The following CDH12 variants were observed in gnomAD, a reference collection of about 807,000 sequenced individuals.
CDH12 encodes cadherin-12.
In CDH12, 41 loss-of-function variants were observed where a neutral mutation model predicts 74.1. That is an observed-to-expected ratio of 0.55 (90% CI 0.43 to 0.72). The LOEUF is 0.72. Among genes scored for constraint, CDH12 ranks in the 30% least tolerant of loss-of-function variants. The pLI is 0.00. For missense variants in CDH12, 945 were observed against 977.2 expected, an observed-to-expected ratio of 0.97 and a Z score of 0.44; for synonymous variants, 399 against 355.0, an observed-to-expected ratio of 1.12 and a Z score of -1.39.
chr5:21,863,155 C>G (rs758358710), intron 6 of CDH12, among the ~76,000 whole-genome samples: 7 of 152,094 alleles, frequency 4.6e-5, no homozygotes, highest in Non-Finnish European at 7.4e-5. Flanking sequence ...TCAAATGTGC[C>G]TTGTAGATTA....
chr5:22,024,654 AG>A (rs1441915922), intron 5 of CDH12, among the ~76,000 whole-genome samples: 2 of 152,142 alleles, frequency 1.3e-5, no homozygotes, highest in Non-Finnish European at 2.9e-5. Flanking sequence ...CTGGGATTAC[AG>A]GCACATGCTA....
intron 1 of CDH12, among the ~76,000 whole-genome samples, chr5:22,813,143 A>T (rs1279496094): frequency 6.6e-6 from 1 of 152,208 alleles, no homozygotes; most frequent in Admixed American, 6.5e-5. Flanking sequence ...TTTGTATAAG[A>T]TTATAAATGA....
intron 1 of CDH12, among the ~76,000 whole-genome samples, chr5:22,631,490 T>C (rs1172299522): frequency 1.3e-5 from 2 of 152,052 alleles, no homozygotes; most frequent in African/African-American, 2.4e-5. Flanking sequence ...TGCAGCAACA[T>C]GGATGGAGCT....
At chr5:22,241,406 G>C (rs1752746505) in intron 3 of CDH12, among the ~76,000 whole-genome samples, 1 of 151,890 alleles carries the variant, frequency 6.6e-6, no homozygotes, top group African/African-American at 2.4e-5. Flanking sequence ...TAAAACTTGT[G>C]ACCAAAACAG....
At position 21,802,294 on chromosome 5, in the gene CDH12, C is replaced by T. The variant is rs1747160615; in HGVS notation, c.1129G>A (p.Asp377Asn). The T allele has an allele frequency of 6.2e-7, 1 of 1,613,710 alleles. No individual in the cohort carries two copies. Among genetic ancestry groups the T allele is most frequent in the South Asian group, 1.1e-5 (1 of 91,076 alleles). ...DTATVKISVL[D>N]VDEPPVFSKP... The stretch of plus-strand genomic sequence containing the variant: ...CTGAAAACCGGTGGCTCATCTACGT[C>T]CAGCACGCTGATCTTCACCGTAGCT... Residue 377 changes from aspartate (D) to asparagine (N), a missense_variant, in exon 10 of 15, where the codon GAC (aspartate) becomes AAC (asparagine). Transcript: ENST00000382254.
intron 6 of CDH12, chr5:21,889,518 T>C (rs1752799898): frequency 2.4e-6 from 2 of 846,108 alleles, no homozygotes; most frequent in Non-Finnish European, 2.8e-6. Context: ...ATATTACCAA[T>C]CCAATGTTCT....
intron 4 of CDH12, among the ~76,000 whole-genome samples, chr5:22,181,860 A>C (rs1408199220): frequency 6.6e-6 from 1 of 152,056 alleles, no homozygotes; most frequent in African/African-American, 2.4e-5. Flanking sequence ...AGTACTTAAA[A>C]TTTTTAATCA....
In CDH12 at chr5:22,820,681, C is replaced by T. The variant is rs184901694; in HGVS notation, c.-523+32377G>A. The stretch of plus-strand genomic sequence containing the variant: ...CACATACATCCTCCCAAGACTAAAC[C>T]AGGAGGAAGTTGAATCCCTGAATAG... On this transcript the variant is annotated intron_variant, in intron 1 of 14. Transcript: ENST00000382254. Among the ~76,000 whole-genome samples, 6 of 152,132 alleles carry T rather than the reference C, an allele frequency of 3.9e-5. No homozygotes were observed. In the East Asian group the frequency reaches 1.2e-3, roughly 29 times the overall value.
intron 2 of CDH12, among the ~76,000 whole-genome samples, chr5:22,491,680 C>G (rs1746878821): frequency 6.7e-6 from 1 of 150,128 alleles, no homozygotes; most frequent in Non-Finnish European, 1.5e-5. Context: ...AGAAAGTTTA[C>G]AAATTTGTGT....
intron 1 of CDH12, among the ~76,000 whole-genome samples, chr5:22,837,355 C>CCATG (rs1172665360): frequency 6.6e-6 from 1 of 151,970 alleles, no homozygotes; most frequent in African/African-American, 2.4e-5. Context: ...CTACAGTGAG[C>CCATG]CATGATCTTG....
intron 6 of CDH12, among the ~76,000 whole-genome samples, chr5:21,884,728 C>T (rs1480771022): frequency 6.6e-6 from 1 of 151,902 alleles, no homozygotes; most frequent in Non-Finnish European, 1.5e-5. Flanking sequence ...GAGAAATATC[C>T]AATTATGTGA....
At chr5:22,038,511 C>A (rs1561046287) in intron 5 of CDH12, among the ~76,000 whole-genome samples, 1 of 152,212 alleles carries the variant, frequency 6.6e-6, no homozygotes, top group South Asian at 2.1e-4. Flanking sequence ...CATGGTGGAG[C>A]TGTACCATCT....
intron 6 of CDH12, among the ~76,000 whole-genome samples, chr5:21,855,085 C>T (rs1015251145): frequency 2.6e-5 from 4 of 151,666 alleles, no homozygotes; most frequent in African/African-American, 7.3e-5. Context: ...CCAAAGAAAG[C>T]ATGGACACCA....
intron 5 of CDH12, among the ~76,000 whole-genome samples, chr5:22,018,697 T>A (rs146513336): frequency 6.6e-6 from 1 of 152,214 alleles, no homozygotes; most frequent in Non-Finnish European, 1.5e-5. Context: ...CTTTCTAGTG[T>A]TGTGCTAGAA....
At chr5:22,783,424 A>T (rs1747478194) in intron 1 of CDH12, among the ~76,000 whole-genome samples, 1 of 152,122 alleles carries the variant, frequency 6.6e-6, no homozygotes, top group Non-Finnish European at 1.5e-5. Flanking sequence ...CCCGGTAGAA[A>T]ATGGAGTTAG....
intron 4 of CDH12, among the ~76,000 whole-genome samples, chr5:22,113,248 T>C (rs1744913701): frequency 6.6e-6 from 1 of 152,150 alleles, no homozygotes; most frequent in African/African-American, 2.4e-5. Context: ...AGTTGTCCTT[T>C]GTGGGGGAAA....
At chr5:21,873,007 C>T (rs1364110626) in intron 6 of CDH12, among the ~76,000 whole-genome samples, 1 of 151,702 alleles carries the variant, frequency 6.6e-6, no homozygotes, top group African/African-American at 2.4e-5. Flanking sequence ...TATATATATG[C>T]ATATATAGTA....
intron 5 of CDH12, among the ~76,000 whole-genome samples, chr5:22,006,970 C>T (rs1471247982): frequency 6.6e-6 from 1 of 151,750 alleles, no homozygotes; most frequent in African/African-American, 2.4e-5. Context: ...GAATCATAAA[C>T]AAATAATTCA....
intron 1 of CDH12, among the ~76,000 whole-genome samples, chr5:22,828,072 G>A (rs960828826): frequency 6.6e-6 from 1 of 152,096 alleles, no homozygotes; most frequent in African/African-American, 2.4e-5. Context: ...TGGATTATAC[G>A]GTTTCATTGT....
Sources: allele counts gnomAD v4.1 joint callset (sites outside exome capture counted in the v4.1 genomes callset), GRCh38; gene constraint gnomAD v4.1.1; transcripts MANE v1.5; gene names NCBI Gene and HGNC (gene_info 2026-07-23, HGNC 2026-07-21).